Variants in SLC4A7 observed in about 807,000 individuals in gnomAD.
SLC4A7 encodes the protein solute carrier family 4 member 7.
In SLC4A7, 51 loss-of-function variants were observed where a neutral mutation model predicts 137.6. The ratio of observed to expected loss-of-function variants is 0.37; its 90% CI spans 0.30 to 0.47. The LOEUF is 0.47. Among genes scored for constraint, SLC4A7 ranks in the 20% least tolerant of loss-of-function variants. SLC4A7 has a pLI of 1.00. For missense variants in SLC4A7, 1,247 were observed against 1,525.4 expected (o/e 0.82, Z 3.04); for synonymous variants, 542 against 518.6 (o/e 1.05, Z -0.61).
intron 24 of SLC4A7, among the ~76,000 whole-genome samples, chr3:27,380,456 C>A (rs1204362193): frequency 6.6e-6 from 1 of 151,938 alleles, no homozygotes; most frequent in Non-Finnish European, 1.5e-5. Flanking sequence ...TCAAGATTGT[C>A]CATCATAAGT....
intron 14 of SLC4A7, 131 bp downstream of exon 14, chr3:27,404,695 TCATA>T: frequency 1.5e-6 from 1 of 667,112 alleles, no homozygotes; most frequent in East Asian, 3.0e-5. Context: ...GGATGGTCAA[TCATA>T]CAGTAGCTCA....
intron 13 of SLC4A7, among the ~76,000 whole-genome samples, chr3:27,407,187 G>T (rs527613629): frequency 7.0e-6 from 1 of 143,660 alleles, no homozygotes; most frequent in Non-Finnish European, 1.5e-5. Flanking sequence ...TTCCCCTAAA[G>T]AAATCACAGC....
intron 24 of SLC4A7, among the ~76,000 whole-genome samples, chr3:27,381,044 T>C (rs1028966704): frequency 1.3e-5 from 2 of 152,240 alleles, no homozygotes; most frequent in African/African-American, 4.8e-5. Context: ...TTTCATATAC[T>C]ATCTCACTTG....
intron 1 of SLC4A7, among the ~76,000 whole-genome samples, chr3:27,458,306 C>T (rs2058515172): frequency 6.6e-6 from 1 of 151,912 alleles, no homozygotes; most frequent in African/African-American, 2.4e-5. Context: ...TATTTATATC[C>T]CACAGCTAAA....
rs756539527 is a variant in SLC4A7 at position 27,403,248 on chromosome 3, C to A, written c.2212G>T (p.Ala738Ser). Residue 738 changes from alanine to serine, a missense_variant, in exon 15 of 26, where the codon GCC (alanine) becomes TCC (serine). Ala to Ser is a moderately conservative substitution (Grantham distance 99). Transcript: ENST00000454389. ...ITRFTEEAFA[A>S]LICIIFIYEA... ...TAGATGAATATGATGCAAATAAGGG[C>A]TGCAAAAGCCTCTTCTGTAAATCGA... The A allele has an allele frequency of 6.2e-7, 1 of 1,613,876 alleles. No homozygotes were observed. The highest frequency in any genetic ancestry group is 1.7e-5 in the Admixed American group (1 of 59,992).
At chr3:27,452,764 T>TATTC (rs2058159185) in intron 1 of SLC4A7, among the ~76,000 whole-genome samples, 1 of 152,328 alleles carries the variant, frequency 6.6e-6, no homozygotes, top group Admixed American at 6.5e-5. Context: ...ACTGGTAATA[T>TATTC]ATTCATTTCA....
chr3:27,463,693 G>A lies in SLC4A7; in HGVS notation c.61-11195C>T, dbSNP rs113805920. Among the ~76,000 whole-genome samples the A allele has an allele frequency of 3.2e-3, 481 of 152,114 alleles. 2 individuals are homozygous for A. Among genetic ancestry groups the A allele is most frequent in the Non-Finnish European group, 5.6e-3 (378 of 68,004 alleles). ...AGCCGCGAAGTTTGCGCCATTTGCC[G>A]GGGGGAAGAACCTGACCCCTCCTGT... On this transcript the variant is annotated intron_variant, in intron 1 of 25. Coordinates refer to ENST00000454389, the MANE Select transcript of SLC4A7 (RefSeq NM_001321103.2).
At chr3:27,442,831 T>C (rs1461289022) in intron 3 of SLC4A7, among the ~76,000 whole-genome samples, 1 of 151,928 alleles carries the variant, frequency 6.6e-6, no homozygotes, top group Non-Finnish European at 1.5e-5. Flanking sequence ...AGGCTGTCCA[T>C]CTCACCAACT....
At chr3:27,422,444 T>A (rs73048074) in intron 8 of SLC4A7, among the ~76,000 whole-genome samples, 1 of 151,936 alleles carries the variant, frequency 6.6e-6, no homozygotes, top group East Asian at 1.9e-4. Flanking sequence ...ATTTTTGTTG[T>A]TTTTTTGTAG....
chr3:27,465,474 TAAAAAAA>T (rs10564000), intron 1 of SLC4A7, among the ~76,000 whole-genome samples: 2 of 125,460 alleles, frequency 1.6e-5, no homozygotes, highest in African/African-American at 2.9e-5. Flanking sequence ...GTAGGCACAG[TAAAAAAA>T]AAAAAAAAAA....
intron 13 of SLC4A7, among the ~76,000 whole-genome samples, chr3:27,409,144 T>A (rs575457613): frequency 9.2e-5 from 14 of 152,320 alleles, no homozygotes; most frequent in African/African-American, 1.4e-4. Flanking sequence ...AACTTTTTTT[T>A]AATTTTTTTT....
At chr3:27,436,664 C>G (rs914605984) in intron 4 of SLC4A7, 116 bp from the exon 5 acceptor site, 7 of 695,790 alleles carry the variant, frequency 1.0e-5, no homozygotes, top group Non-Finnish European at 8.7e-6. Context: ...ATAAAGAAAA[C>G]CACGACCAAA....
intron 1 of SLC4A7, among the ~76,000 whole-genome samples, chr3:27,470,250 T>TTAA (rs1204254131): frequency 1.3e-5 from 2 of 151,426 alleles, no homozygotes; most frequent in African/African-American, 4.9e-5. Flanking sequence ...GCTCATGAGC[T>TTAA]TAAAGGCTTA....
chr3:27,470,187 G>A (rs1159455595), intron 1 of SLC4A7, among the ~76,000 whole-genome samples: 1 of 151,148 alleles, frequency 6.6e-6, no homozygotes, highest in Non-Finnish European at 1.5e-5. Context: ...TTATTTCTGA[G>A]TCGAACTGAC....
intron 1 of SLC4A7, chr3:27,456,915 C>T: frequency 2.0e-6 from 2 of 984,920 alleles, no homozygotes; most frequent in Non-Finnish European, 2.4e-6. Flanking sequence ...GTAATATACA[C>T]ATTTAGTTAT....
intron 11 of SLC4A7, among the ~76,000 whole-genome samples, chr3:27,413,741 C>T (rs1243351207): frequency 6.6e-6 from 1 of 152,104 alleles, no homozygotes; most frequent in Non-Finnish European, 1.5e-5. Flanking sequence ...GCTCCAATGT[C>T]ATTATCTTAC....
At chr3:27,474,369 C>G (rs1311471668) in intron 1 of SLC4A7, among the ~76,000 whole-genome samples, 2 of 152,060 alleles carry the variant, frequency 1.3e-5, no homozygotes, top group Non-Finnish European at 2.9e-5. Context: ...CAGTATAAAG[C>G]TAGTTAGTGA....
intron 3 of SLC4A7, among the ~76,000 whole-genome samples, chr3:27,446,883 TTGTTTTTTTTG>T (rs1301404165): frequency 0.13 from 15,944 of 121,472 alleles, 1,253 homozygotes; most frequent in South Asian, 0.25. Context: ...TTGTTTTTTT[TTGTTTTTTTTG>T]TTTTTTTTAA....
Position 27,428,861 on chromosome 3 carries a change from A to G in SLC4A7, c.1150+2437T>C, listed in dbSNP as rs1297988895. ...CATTGAGGCTTAGCTGAAATAATTA[A>G]AAAGAAAAGTTACTAAAATATATTT... is the stretch of plus-strand genomic sequence containing the variant. On this transcript the variant is annotated intron_variant, in intron 7 of 25. Transcript: ENST00000454389. Among the ~76,000 whole-genome samples, 3 of 152,256 alleles carry G rather than the reference A, an allele frequency of 2.0e-5. No homozygotes were observed. In the East Asian group the frequency reaches 5.8e-4, roughly 29 times the overall value.
Sources: allele counts gnomAD v4.1 joint callset (sites outside exome capture counted in the v4.1 genomes callset), GRCh38; gene constraint gnomAD v4.1.1; transcripts MANE v1.5; gene names NCBI Gene and HGNC (gene_info 2026-07-23, HGNC 2026-07-21).